The following NTRK3 variants were observed in gnomAD, a reference collection of about 807,000 sequenced individuals.
NTRK3 encodes the protein neurotrophic receptor tyrosine kinase 3, also known as NT-3 growth factor receptor.
NTRK3 carries 24 observed loss-of-function variants against 91.7 expected under a neutral mutation model. That is an observed-to-expected ratio of 0.26 (90% CI 0.19 to 0.37). The LOEUF (loss-of-function observed/expected upper bound fraction) is 0.37, where lower values mean the gene tolerates loss of function less well. Among genes scored for constraint, NTRK3 ranks in the 10% least tolerant of loss-of-function variants. The pLI, the probability that NTRK3 is intolerant of heterozygous loss-of-function variation, is 1.00. For missense variants in NTRK3, 880 were observed against 1,068.9 expected (o/e 0.82, Z 2.46); for synonymous variants, 483 against 404.0 (o/e 1.20, Z -2.34).
At chr15:88,102,559 C>T (rs1487821144) in intron 13 of NTRK3, among the ~76,000 whole-genome samples, 20 of 152,046 alleles carry the variant, frequency 1.3e-4, no homozygotes, top group Admixed American at 1.2e-3. Flanking sequence ...GATGGATATC[C>T]CAGTTACCCT....
At chr15:87,935,459 G>A (rs1425138707) in intron 15 of NTRK3, among the ~76,000 whole-genome samples, 1 of 152,212 alleles carries the variant, frequency 6.6e-6, no homozygotes, top group Non-Finnish European at 1.5e-5. Context: ...AGAGAGTCAT[G>A]GTGAAAGACA....
In NTRK3 at chr15:88,233,978, G is replaced by A. The variant is rs760071645; in HGVS notation, c.248+21928C>T. On this transcript the variant is annotated intron_variant, in intron 3 of 18. Coordinates refer to ENST00000394480, the Ensembl canonical transcript of NTRK3. The surrounding 1 kb of genome is among the most constrained non-coding windows in gnomAD (Gnocchi z 4.2). ...ATTTAAACATGTTAATTAAATCTCC[G>A]AATAAACAAATATATTTTAGCAAGT... Among the ~76,000 whole-genome samples, 14 of 152,102 alleles carry A rather than the reference G, an allele frequency of 9.2e-5. No individual in the cohort carries two copies. Among genetic ancestry groups the A allele is most frequent in the East Asian group, 1.9e-4 (1 of 5,198 alleles).
intron 17 of NTRK3, among the ~76,000 whole-genome samples, chr15:87,883,721 A>G (rs564287184): frequency 1.2e-3 from 182 of 151,424 alleles, no homozygotes; most frequent in South Asian, 4.6e-3. Flanking sequence ...AGTAAAAATA[A>G]GAAACATTTT....
chr15:87,933,264 C>T (rs2141959883), intron 15 of NTRK3, 80 bp from the exon 16 acceptor site: 1 of 1,368,850 alleles, frequency 7.3e-7, no homozygotes, highest in Non-Finnish European at 1.0e-6. Flanking sequence ...AGAAACTGGC[C>T]CCACACACCA....
At chr15:88,046,499 G>C (rs1302764068) in intron 13 of NTRK3, among the ~76,000 whole-genome samples, 2 of 152,158 alleles carry the variant, frequency 1.3e-5, no homozygotes, top group African/African-American at 2.4e-5. Flanking sequence ...GGCAGCACCT[G>C]AGACAGTCAA....
chr15:88,239,424 C>T (rs1219606258), intron 3 of NTRK3, among the ~76,000 whole-genome samples: 11 of 152,256 alleles, frequency 7.2e-5, no homozygotes. Flanking sequence ...AAGTAAGGTT[C>T]TTGAGGCGCA....
At chr15:88,244,595 C>T (rs959646744) in intron 3 of NTRK3, among the ~76,000 whole-genome samples, 2 of 150,602 alleles carry the variant, frequency 1.3e-5, no homozygotes, top group Non-Finnish European at 3.0e-5. Context: ...AGACTTTCAT[C>T]AAAGGTACAA....
At chr15:88,020,353 A>G (rs2077515872) in intron 14 of NTRK3, among the ~76,000 whole-genome samples, 3 of 152,080 alleles carry the variant, frequency 2.0e-5, no homozygotes, top group Non-Finnish European at 4.4e-5. Flanking sequence ...CTGACAACCA[A>G]CATATTACAG....
chr15:88,155,705 TGTTA>T (rs771851291), intron 5 of NTRK3, among the ~76,000 whole-genome samples: 15 of 152,234 alleles, frequency 9.9e-5, no homozygotes, highest in Non-Finnish European at 2.1e-4. Flanking sequence ...TGAAATTTTC[TGTTA>T]GTCACATGTT....
chr15:87,901,527 G>A (rs2066451691), intron 17 of NTRK3, among the ~76,000 whole-genome samples: 1 of 152,186 alleles, frequency 6.6e-6, no homozygotes, highest in African/African-American at 2.4e-5. Flanking sequence ...CCATAACAGA[G>A]GTAGAAAGAG....
At chr15:88,217,630 TAG>T (rs2049897687) in intron 3 of NTRK3, among the ~76,000 whole-genome samples, 1 of 152,150 alleles carries the variant, frequency 6.6e-6, no homozygotes, top group Admixed American at 6.5e-5. Context: ...TTTAATCGCA[TAG>T]AGTTTCAGTT....
chr15:88,142,127 T>C (rs2042441291), intron 6 of NTRK3, among the ~76,000 whole-genome samples: 1 of 152,092 alleles, frequency 6.6e-6, no homozygotes, highest in Non-Finnish European at 1.5e-5. Context: ...AATGGTGAGG[T>C]GGGCAAGAAG....
chr15:87,948,343 G>T (rs1190885591), intron 14 of NTRK3, among the ~76,000 whole-genome samples: 1 of 152,218 alleles, frequency 6.6e-6, no homozygotes, highest in Admixed American at 6.5e-5. Flanking sequence ...GAAGGCTGGA[G>T]ATCTAAGACA....
At chr15:87,871,467 G>C (rs186039834) in exon 19 of NTRK3, 2 of 230,678 alleles carry the variant, frequency 8.7e-6, no homozygotes, top group African/African-American at 2.2e-5. Context: ...CCCCTCCTAG[G>C]GGGTGGTTTT....
chr15:87,888,811 C>T (rs754707184), intron 17 of NTRK3, among the ~76,000 whole-genome samples: 1 of 151,844 alleles, frequency 6.6e-6, no homozygotes. Context: ...GCAAGGTGTC[C>T]TGTATTTTTA....
At chr15:88,085,478 G>A (rs576576742) in intron 13 of NTRK3, among the ~76,000 whole-genome samples, 8 of 152,180 alleles carry the variant, frequency 5.3e-5, no homozygotes, top group East Asian at 3.9e-4. Context: ...CCCTTCAGCC[G>A]GCACCCCAGA....
intron 13 of NTRK3, among the ~76,000 whole-genome samples, chr15:88,114,634 A>C (rs991811106): frequency 5.3e-5 from 8 of 152,256 alleles, no homozygotes; most frequent in South Asian, 4.1e-4. Context: ...GAACAATGTG[A>C]ATACAAGCTT....
chr15:88,044,330 G>C (rs192224182), intron 13 of NTRK3, among the ~76,000 whole-genome samples: 1 of 138,792 alleles, frequency 7.2e-6, no homozygotes, highest in Non-Finnish European at 1.5e-5. Flanking sequence ...ACACGATCTC[G>C]GCTCACTGCA....
chr15:88,149,401 C>T (rs2043177204), intron 5 of NTRK3, among the ~76,000 whole-genome samples: 1 of 152,184 alleles, frequency 6.6e-6, no homozygotes, highest in Non-Finnish European at 1.5e-5. Flanking sequence ...ACCCAGTACC[C>T]TCTCTGTTCA....
Sources: allele counts gnomAD v4.1 joint callset (sites outside exome capture counted in the v4.1 genomes callset), GRCh38; gene constraint gnomAD v4.1.1; non-coding constraint Gnocchi (gnomAD v3.1); transcripts MANE v1.5; gene names NCBI Gene and HGNC (gene_info 2026-07-23, HGNC 2026-07-21).